The following LRMDA variants were observed in gnomAD, a reference collection of about 807,000 sequenced individuals.
LRMDA encodes the protein leucine rich melanocyte differentiation associated.
A neutral mutation model predicts 29.8 loss-of-function variants in LRMDA; 18 were observed. That is an observed-to-expected ratio of 0.60 (90% CI 0.42 to 0.90). The LOEUF (loss-of-function observed/expected upper bound fraction) is 0.90. Among genes scored for constraint, LRMDA ranks in the 40% least tolerant of loss-of-function variants. The probability of loss-of-function intolerance (pLI) is 0.00; values close to 1 mark genes in which losing one functional copy is unlikely to be tolerated. For missense variants in LRMDA, 273 were observed against 273.9 expected (o/e 1.00, Z 0.02); for synonymous variants, 125 against 109.4 (o/e 1.14, Z -0.89).
chr10:76,361,320 T>G (rs1841309478), intron 6 of LRMDA, among the ~76,000 whole-genome samples: 1 of 151,808 alleles, frequency 6.6e-6, no homozygotes, highest in South Asian at 2.1e-4. Context: ...AGATTTGGGT[T>G]TGGGGAGCTT....
At chr10:75,703,556 G>T (rs965686306) in intron 2 of LRMDA, among the ~76,000 whole-genome samples, 3 of 152,184 alleles carry the variant, frequency 2.0e-5, no homozygotes, top group African/African-American at 7.2e-5. Flanking sequence ...GCATGGATTT[G>T]TGTGATATAC....
intron 6 of LRMDA, among the ~76,000 whole-genome samples, chr10:76,465,679 C>G (rs541010236): frequency 6.6e-6 from 1 of 152,152 alleles, no homozygotes; most frequent in Non-Finnish European, 1.5e-5. Context: ...TCTAGGGCTT[C>G]CATAAGAAAT....
chr10:76,103,413 C>T (rs1458632474), intron 5 of LRMDA, among the ~76,000 whole-genome samples: 3 of 152,318 alleles, frequency 2.0e-5, no homozygotes, highest in Admixed American at 6.5e-5. Flanking sequence ...ACTCACTGCC[C>T]TTGACTGCTC....
intron 2 of LRMDA, among the ~76,000 whole-genome samples, chr10:75,802,021 A>G (rs747680029): frequency 2.6e-5 from 4 of 152,166 alleles, no homozygotes; most frequent in African/African-American, 4.8e-5. Flanking sequence ...CTCTTGCTAC[A>G]TAGAAAAACA....
At chr10:76,302,111 AT>A (rs1198101707) in intron 5 of LRMDA, among the ~76,000 whole-genome samples, 15 of 150,276 alleles carry the variant, frequency 1.0e-4, no homozygotes, top group South Asian at 4.2e-4. Context: ...AACTGGCTCT[AT>A]TTTTTTTTTC....
At chr10:76,502,048 G>A (rs1842915579) in intron 6 of LRMDA, among the ~76,000 whole-genome samples, 1 of 151,834 alleles carries the variant, frequency 6.6e-6, no homozygotes, top group Non-Finnish European at 1.5e-5. Context: ...GTGGTGAAGG[G>A]TAGTGGTCCA....
chr10:75,888,731 G>C (rs942094), intron 2 of LRMDA, among the ~76,000 whole-genome samples: 1 of 152,122 alleles, frequency 6.6e-6, no homozygotes, highest in Non-Finnish European at 1.5e-5. Context: ...TAAAGATGTC[G>C]TACTTCAAAT....
intron 6 of LRMDA, among the ~76,000 whole-genome samples, chr10:76,357,531 C>A (rs1170567642): frequency 6.6e-6 from 1 of 152,156 alleles, no homozygotes; most frequent in Non-Finnish European, 1.5e-5. Context: ...TTTTCCAATC[C>A]TATCTGCATA....
intron 2 of LRMDA, among the ~76,000 whole-genome samples, chr10:75,702,477 G>GTATTGGGTCTCCTTTCT (rs1391351230): frequency 2.0e-5 from 3 of 152,150 alleles, no homozygotes; most frequent in African/African-American, 7.2e-5. Context: ...CTAGATGCGG[G>GTATTGGGTCTCCTTTCT]TATTGGGTCT....
chr10:75,484,718 A>G (rs747351418), intron 2 of LRMDA, among the ~76,000 whole-genome samples: 29 of 152,324 alleles, frequency 1.9e-4, no homozygotes, highest in East Asian at 1.7e-3. Flanking sequence ...GAGACACCAG[A>G]GAGCTCTGTC....
intron 6 of LRMDA, among the ~76,000 whole-genome samples, chr10:76,350,541 C>T (rs774413987): frequency 2.6e-5 from 4 of 151,060 alleles, no homozygotes; most frequent in African/African-American, 7.3e-5. Flanking sequence ...AGGCAGGAGT[C>T]GGGGATTATG....
intron 6 of LRMDA, among the ~76,000 whole-genome samples, chr10:76,383,336 G>A (rs1045120015): frequency 5.9e-5 from 9 of 151,300 alleles, no homozygotes; most frequent in African/African-American, 2.2e-4. Context: ...CAGGCTCCTG[G>A]TCCTCTGTCC....
chr10:76,207,076 A>G (rs971385191), intron 5 of LRMDA, among the ~76,000 whole-genome samples: 1 of 152,210 alleles, frequency 6.6e-6, no homozygotes, highest in African/African-American at 2.4e-5. Flanking sequence ...CTGGGATTCA[A>G]ACTCAAGCCT....
At chr10:75,946,283 C>T (rs1387721219) in intron 2 of LRMDA, among the ~76,000 whole-genome samples, 4 of 152,206 alleles carry the variant, frequency 2.6e-5, no homozygotes, top group South Asian at 4.1e-4. Flanking sequence ...ACCAATTCTC[C>T]GCTGTGCCCA....
rs74146932 is a variant in LRMDA, at chr10:75,903,477, C to T, written c.132-132531C>T. On this transcript the variant is annotated intron_variant, in intron 2 of 6. Coordinates refer to ENST00000611255, the MANE Select transcript of LRMDA (RefSeq NM_001305581.2). Reference sequence around the variant, plus strand: ...GCCATAAAAGCAAATAAAATCACTTCGCGATTCCATTATTGGATAAATTAC... The same window carrying T: ...GCCATAAAAGCAAATAAAATCACTTTGCGATTCCATTATTGGATAAATTAC... Among the ~76,000 whole-genome samples the T allele has an allele frequency of 3.5e-3, 529 of 152,354 alleles. 1 individual carries two copies. The highest frequency in any genetic ancestry group is 0.012 in the African/African-American group (483 of 41,570).
At chr10:75,930,113 A>G (rs1053313078) in intron 2 of LRMDA, among the ~76,000 whole-genome samples, 19 of 152,236 alleles carry the variant, frequency 1.2e-4, no homozygotes, top group Admixed American at 1.0e-3. Context: ...AAACCTGCGA[A>G]TAGATTTATG....
intron 2 of LRMDA, among the ~76,000 whole-genome samples, chr10:75,819,826 A>G (rs1157531830): frequency 6.6e-6 from 1 of 152,226 alleles, no homozygotes; most frequent in Non-Finnish European, 1.5e-5. Context: ...GGTAACTGCT[A>G]GTAGCCATAT....
intron 2 of LRMDA, among the ~76,000 whole-genome samples, chr10:76,027,926 C>G (rs974181735): frequency 6.6e-6 from 1 of 152,110 alleles, no homozygotes; most frequent in African/African-American, 2.4e-5. Context: ...TTTATTTAAT[C>G]ATTCTTCAAT....
chr10:75,766,785 C>G (rs1843174584), intron 2 of LRMDA, among the ~76,000 whole-genome samples: 1 of 151,980 alleles, frequency 6.6e-6, no homozygotes, highest in Admixed American at 6.6e-5. Flanking sequence ...CTAATGCCCT[C>G]CCTCCCCTTT....
Sources: allele counts gnomAD v4.1 joint callset (sites outside exome capture counted in the v4.1 genomes callset), GRCh38; gene constraint gnomAD v4.1.1; transcripts MANE v1.5; gene names NCBI Gene and HGNC (gene_info 2026-07-23, HGNC 2026-07-21).